The following JAKMIP1 variants were observed in gnomAD, a reference collection of about 807,000 sequenced individuals.
JAKMIP1 encodes janus kinase and microtubule-interacting protein 1.
Under a neutral mutation model 113.0 loss-of-function variants are expected in JAKMIP1, and 33 were observed. The observed-to-expected ratio is 0.29, with a 90% CI of 0.22 to 0.39. The LOEUF is 0.39. JAKMIP1 is among the 10% of genes least tolerant of loss of function. The pLI is 1.00. For synonymous variants in JAKMIP1, 480 were observed against 459.9 expected (o/e 1.04, Z -0.56); for missense variants, 813 against 1,080.5 (o/e 0.75, Z 3.47).
At chr4:6,161,494 C>T (rs1229648434) in intron 1 of JAKMIP1, among the ~76,000 whole-genome samples, 1 of 151,936 alleles carries the variant, frequency 6.6e-6, no homozygotes, top group Non-Finnish European at 1.5e-5. Context: ...TCCCCAAAGA[C>T]TCTGACCAAG....
chr4:6,063,587 C>T (rs1314472159), intron 9 of JAKMIP1, among the ~76,000 whole-genome samples: 1 of 152,158 alleles, frequency 6.6e-6, no homozygotes, highest in Non-Finnish European at 1.5e-5. Flanking sequence ...AAAGGATGTC[C>T]AGGGGACGAC....
At position 6,062,229 on chromosome 4, in the gene JAKMIP1, C is replaced by A. The variant is rs542814567; in HGVS notation, c.1560+83G>T. 6.8e-6 allele frequency: 10 copies of A among 1,478,218 alleles called. No homozygotes were observed. In the African/African-American group the frequency reaches 1.2e-4, roughly 18 times the overall value. 91.6% of individuals were successfully genotyped at this position (1,478,218 alleles called of 1,614,324 possible). On this transcript the variant is annotated intron_variant, in intron 10 of 20. Transcript: ENST00000409021. ...CAGAATCCCCTCTGAGTGTCCAAGC[C>A]AGGGTATGTCACACTTCTGGAAAGG...
At chr4:6,102,722 CTTTTTTTTTTTTT>C (rs1191358910) in intron 3 of JAKMIP1, among the ~76,000 whole-genome samples, 1 of 50,820 alleles carries the variant, frequency 2.0e-5, no homozygotes, top group Non-Finnish European at 3.2e-5. Context: ...TCTCTAAAGA[CTTTTTTTTTTTTT>C]TTTTTTTTTT....
At chr4:6,085,122 A>G (rs1013237121) in intron 4 of JAKMIP1, among the ~76,000 whole-genome samples, 157 bp from the exon 5 acceptor site, 3 of 151,950 alleles carry the variant, frequency 2.0e-5, no homozygotes, top group African/African-American at 7.3e-5. Flanking sequence ...ACCCAAGCCC[A>G]CTGCACACCT....
chr4:6,125,617 CATACAGAAA>C (rs1717330705), intron 1 of JAKMIP1, among the ~76,000 whole-genome samples: 1 of 120,486 alleles, frequency 8.3e-6, no homozygotes, highest in African/African-American at 3.5e-5. Flanking sequence ...ACACACACAC[CATACAGAAA>C]CACACACACA....
Position 6,035,910 on chromosome 4 carries a change from G to A in JAKMIP1, c.2373C>T (p.Ala791=). The A allele has an allele frequency of 6.5e-7, 1 of 1,549,046 alleles. No individual in the cohort carries two copies. Among genetic ancestry groups the A allele is most frequent in the Admixed American group, 2.0e-5 (1 of 50,974 alleles). ...LRERMELLQQ[A]QQRIRELEDK... ...AGCCGCTGTTGCCGCCTACCTGCTGGGCCTGCTGCAGCAGCTCCATGCGCT... is the reference window on the plus strand; with the variant it reads ...AGCCGCTGTTGCCGCCTACCTGCTGAGCCTGCTGCAGCAGCTCCATGCGCT... Residue 791 remains alanine, a synonymous_variant, in exon 19 of 21, where the codon GCC becomes GCT. Coordinates refer to ENST00000409021, the MANE Select transcript of JAKMIP1 (RefSeq NM_001099433.2).
At position 6,193,814 on chromosome 4, in the gene JAKMIP1, C is replaced by A. The variant is rs544410266; in HGVS notation, c.-148+6439G>T. ...GGTGGAAGAGCCTGCAGAATAGGAC[C>A]TGAGCAGCCAAAGCCCTGGGAAGAA... is the stretch of plus-strand genomic sequence containing the variant. On this transcript the variant is annotated intron_variant, in intron 1 of 20. Coordinates refer to ENST00000409021, the MANE Select transcript of JAKMIP1 (RefSeq NM_001099433.2). This position sits in a 1 kb window ranked among gnomAD's most constrained non-coding sequence, Gnocchi z 6.4. 2.0e-3 allele frequency among the ~76,000 whole-genome samples: 297 copies of A among 152,276 alleles called. 2 individuals carry two copies. The highest frequency in any genetic ancestry group is 6.6e-3 in the African/African-American group (275 of 41,566).
In JAKMIP1 at chr4:6,044,378, T is replaced by A. The variant is rs1714725616; in HGVS notation, c.2029-2151A>T. 1.3e-5 allele frequency among the ~76,000 whole-genome samples: 2 copies of A among 152,024 alleles called. No homozygotes were observed. ...TGTGTGCTGCCTGAACAGAGGGGAC[T>A]AGAACTGATCGGCTCCTGCCACAGA... On this transcript the variant is annotated intron_variant, in intron 16 of 20. Coordinates refer to ENST00000409021, the MANE Select transcript of JAKMIP1 (RefSeq NM_001099433.2). The surrounding 1 kb of genome is among the most constrained non-coding windows in gnomAD (Gnocchi z 4.4).
chr4:6,138,525 C>T lies in JAKMIP1; in HGVS notation c.-147-25528G>A, dbSNP rs1380119420. 6.6e-6 allele frequency among the ~76,000 whole-genome samples: 1 copy of T among 152,166 alleles called. No individual in the cohort carries two copies. Among genetic ancestry groups the T allele is most frequent in the African/African-American group, 2.4e-5 (1 of 41,420 alleles). ...ATGCTGGGATTACAGGCGTGAGCCA[C>T]TGCACCTGGCCTAGAATCCAAGTTA... On this transcript the variant is annotated intron_variant, in intron 1 of 20. Coordinates refer to ENST00000409021, the MANE Select transcript of JAKMIP1 (RefSeq NM_001099433.2). The surrounding 1 kb of genome is among the most constrained non-coding windows in gnomAD (Gnocchi z 6.0).
chr4:6,102,318 C>T (rs1713177312), intron 3 of JAKMIP1, among the ~76,000 whole-genome samples: 1 of 152,176 alleles, frequency 6.6e-6, no homozygotes, highest in South Asian at 2.1e-4. Context: ...AAAATTCATA[C>T]ATTGAAACTT....
At position 6,119,540 on chromosome 4, in the gene JAKMIP1, G is replaced by A. The variant is rs1050679576; in HGVS notation, c.-147-6543C>T. On this transcript the variant is annotated intron_variant, in intron 1 of 20. Transcript: ENST00000409021. ...GCCTGGACAACAAGAGCAAAACTCC[G>A]TCTCAAAAACAAACAAACAACAACA... Among the ~76,000 whole-genome samples, 9 of 148,672 alleles carry A rather than the reference G, an allele frequency of 6.1e-5. No homozygotes were observed. In the South Asian group the frequency reaches 8.7e-4, roughly 14 times the overall value.
rs1281495650 is a variant in JAKMIP1, at chr4:6,093,699, C to T, written c.625-8070G>A. ...TTACAATGAATGATGTCCACCTGTA[C>T]AGGGAGGTGTGGCTGCCGTGCCCTG... On this transcript the variant is annotated intron_variant, in intron 3 of 20. Transcript: ENST00000409021. The surrounding 1 kb of genome is among the most constrained non-coding windows in gnomAD (Gnocchi z 4.6). Among the ~76,000 whole-genome samples the T allele has an allele frequency of 6.6e-6, 1 of 152,292 alleles. No homozygotes were observed. The highest frequency in any genetic ancestry group is 2.1e-4 in the South Asian group (1 of 4,822).
Position 6,094,546 on chromosome 4 carries a change from C to A in JAKMIP1, c.625-8917G>T, listed in dbSNP as rs1025946456. ...GGGCACCCAGCCTAGGCTGGTCCAT[C>A]GGCCCCTGTTCTCCTAGTTGAGATC... is the stretch of plus-strand genomic sequence containing the variant. On this transcript the variant is annotated intron_variant, in intron 3 of 20. Transcript: ENST00000409021. This position sits in a 1 kb window ranked among gnomAD's most constrained non-coding sequence, Gnocchi z 4.2. Among the ~76,000 whole-genome samples the A allele has an allele frequency of 1.3e-5, 2 of 152,218 alleles. No homozygotes were observed. The highest frequency in any genetic ancestry group is 1.3e-4 in the Admixed American group (2 of 15,290).
At chr4:6,175,348 G>A (rs1023666087) in intron 1 of JAKMIP1, among the ~76,000 whole-genome samples, 3 of 152,190 alleles carry the variant, frequency 2.0e-5, no homozygotes, top group African/African-American at 4.8e-5. Flanking sequence ...TCTACCAACG[G>A]TCTCTACATT....
chr4:6,030,202 C>T (rs1020846242), intron 19 of JAKMIP1, among the ~76,000 whole-genome samples: 1 of 151,446 alleles, frequency 6.6e-6, no homozygotes, highest in Non-Finnish European at 1.5e-5. Context: ...CACCACATCA[C>T]GTACTTGTCT....
intron 11 of JAKMIP1, among the ~76,000 whole-genome samples, 179 bp downstream of exon 11, chr4:6,060,245 C>G (rs1421600385): frequency 6.6e-6 from 1 of 152,204 alleles, no homozygotes; most frequent in Admixed American, 6.5e-5. Flanking sequence ...ACTCGGCACA[C>G]AGGTACAGTA....
At chr4:6,149,712 T>C (rs1721325447) in intron 1 of JAKMIP1, among the ~76,000 whole-genome samples, 1 of 152,138 alleles carries the variant, frequency 6.6e-6, no homozygotes, top group Admixed American at 6.5e-5. Context: ...TTTCTTCTGA[T>C]CTGGCCAGGG....
intron 8 of JAKMIP1, among the ~76,000 whole-genome samples, chr4:6,078,313 T>TAAA (rs1270876048): frequency 7.5e-5 from 7 of 93,606 alleles, no homozygotes; most frequent in African/African-American, 3.2e-4. Flanking sequence ...AGACTCTGTC[T>TAAA]AAAAAAAAAA....
rs1723999211 is a variant in JAKMIP1, at chr4:6,169,000, T to G, written c.-148+31253A>C. 6.6e-6 allele frequency among the ~76,000 whole-genome samples: 1 copy of G among 152,176 alleles called. No individual in the cohort carries two copies. Among genetic ancestry groups the G allele is most frequent in the South Asian group, 2.1e-4 (1 of 4,816 alleles). Reference sequence around the variant, plus strand: ...AAGAGTTGGTGGTGGGGACTGTTAATAGGCATTGGATTTCTTTCTGGGGAG... The same window carrying G: ...AAGAGTTGGTGGTGGGGACTGTTAAGAGGCATTGGATTTCTTTCTGGGGAG... On this transcript the variant is annotated intron_variant, in intron 1 of 20. Transcript: ENST00000409021. This position sits in a 1 kb window ranked among gnomAD's most constrained non-coding sequence, Gnocchi z 4.6.
Sources: gnomAD v4.1 joint callset for allele counts (sites outside exome capture counted in the v4.1 genomes callset) on GRCh38, gnomAD v4.1.1 for gene constraint, Gnocchi (gnomAD v3.1) non-coding constraint, MANE v1.5 for transcripts, NCBI Gene and HGNC (gene_info 2026-07-23, HGNC 2026-07-21) for gene names.